The following RRAGD variants were observed in gnomAD, a reference collection of about 807,000 sequenced individuals.
The protein encoded by RRAGD is ras-related GTP-binding protein D.
In RRAGD, 12 loss-of-function variants were observed where a neutral mutation model predicts 35.5. The ratio of observed to expected loss-of-function variants is 0.34; its 90% confidence interval spans 0.22 to 0.55. The LOEUF (loss-of-function observed/expected upper bound fraction) is 0.55, where lower values mean the gene tolerates loss of function less well. Among genes scored for constraint, RRAGD ranks in the 20% least tolerant of loss-of-function variants. The probability of loss-of-function intolerance (pLI) is 0.91; values close to 1 mark genes in which losing one functional copy is unlikely to be tolerated. For missense variants in RRAGD, 324 were observed against 490.1 expected (o/e 0.66, Z 3.20); for synonymous variants, 155 against 178.9 (o/e 0.87, Z 1.07).
At chr6:89,385,304 G>C (rs578241698) in intron 2 of RRAGD, among the ~76,000 whole-genome samples, 1 of 152,274 alleles carries the variant, frequency 6.6e-6, no homozygotes, top group East Asian at 1.9e-4. Context: ...GTCTTGAAAT[G>C]ATGAGTCATC....
chr6:89,388,820 G>A (rs1013789724), intron 1 of RRAGD, among the ~76,000 whole-genome samples: 7 of 152,172 alleles, frequency 4.6e-5, no homozygotes, highest in African/African-American at 1.7e-4. Flanking sequence ...TTGTTTTCCT[G>A]CAACTAGACA....
At chr6:89,368,578 G>A (rs909047450) in intron 6 of RRAGD, among the ~76,000 whole-genome samples, 11 of 152,246 alleles carry the variant, frequency 7.2e-5, no homozygotes, top group African/African-American at 2.2e-4. Context: ...TCTCCCCAAA[G>A]GGCATTATTA....
chr6:89,401,373 T>C (rs1172710725), intron 1 of RRAGD, among the ~76,000 whole-genome samples: 2 of 151,972 alleles, frequency 1.3e-5, no homozygotes, highest in African/African-American at 4.8e-5. Context: ...TTCTCCTACC[T>C]CAGTCTCCTG....
At chr6:89,395,139 G>A (rs1769308761) in intron 1 of RRAGD, among the ~76,000 whole-genome samples, 1 of 152,116 alleles carries the variant, frequency 6.6e-6, no homozygotes, top group Non-Finnish European at 1.5e-5. Context: ...AGCACCTGTA[G>A]TCACAGCTAC....
At chr6:89,390,578 T>C (rs558780630) in intron 1 of RRAGD, among the ~76,000 whole-genome samples, 1 of 152,308 alleles carries the variant, frequency 6.6e-6, no homozygotes, top group Non-Finnish European at 1.5e-5. Flanking sequence ...TACAAAATGT[T>C]GCACTTTGAA....
intron 1 of RRAGD, among the ~76,000 whole-genome samples, chr6:89,390,625 T>C (rs1769215834): frequency 1.3e-5 from 2 of 152,206 alleles, no homozygotes; most frequent in African/African-American, 2.4e-5. Flanking sequence ...AGGCTGGGCA[T>C]GGTGGCTCAC....
intron 1 of RRAGD, among the ~76,000 whole-genome samples, chr6:89,397,431 A>T (rs1199776100): frequency 6.6e-6 from 1 of 152,184 alleles, no homozygotes; most frequent in African/African-American, 2.4e-5. Context: ...TAACGTGTAC[A>T]TAAAGGATCA....
At chr6:89,401,109 A>G (rs1488415479) in intron 1 of RRAGD, among the ~76,000 whole-genome samples, 1 of 152,154 alleles carries the variant, frequency 6.6e-6, no homozygotes, top group African/African-American at 2.4e-5. Context: ...GAGGAGTAAT[A>G]TCTGAGTCTT....
intron 1 of RRAGD, among the ~76,000 whole-genome samples, chr6:89,403,388 TGAGCAGAGATCGCGCCACTGCA>T (rs1430379524): frequency 2.0e-5 from 3 of 151,174 alleles, no homozygotes; most frequent in Admixed American, 6.6e-5. Flanking sequence ...GAGCTTGCAG[TGAGCAGAGATCGCGCCACTGCA>T]CCCCAGCCTG....
chr6:89,382,646 C>T (rs1378332242), intron 2 of RRAGD, among the ~76,000 whole-genome samples: 3 of 151,606 alleles, frequency 2.0e-5, no homozygotes, highest in Admixed American at 6.6e-5. Context: ...GAGGCCAAGG[C>T]GGGCAGATCA....
intron 1 of RRAGD, among the ~76,000 whole-genome samples, chr6:89,392,668 A>G (rs938834610): frequency 6.6e-6 from 1 of 152,190 alleles, no homozygotes; most frequent in Non-Finnish European, 1.5e-5. Flanking sequence ...AAACTCTACA[A>G]TTGTCTAAAA....
At chr6:89,376,478 A>G (rs1768948053) in intron 5 of RRAGD, among the ~76,000 whole-genome samples, 1 of 152,134 alleles carries the variant, frequency 6.6e-6, no homozygotes, top group South Asian at 2.1e-4. Context: ...GCAGTGAGTA[A>G]AGAGGAAGAT....
intron 1 of RRAGD, among the ~76,000 whole-genome samples, chr6:89,390,007 C>T (rs1769202405): frequency 6.6e-6 from 1 of 152,184 alleles, no homozygotes; most frequent in African/African-American, 2.4e-5. Flanking sequence ...ACCCTTATGT[C>T]ATACCATATA....
intron 1 of RRAGD, among the ~76,000 whole-genome samples, chr6:89,405,412 G>T (rs1769560034): frequency 6.6e-6 from 1 of 150,786 alleles, no homozygotes; most frequent in African/African-American, 2.4e-5. Context: ...CAAATGGAAT[G>T]GTTGAAAAAG....
intron 5 of RRAGD, among the ~76,000 whole-genome samples, chr6:89,377,375 A>C (rs1768966385): frequency 6.6e-6 from 1 of 152,196 alleles, no homozygotes; most frequent in Admixed American, 6.5e-5. Context: ...GCTACTCGAG[A>C]GGCTGAGGTG....
At chr6:89,396,572 G>A (rs893024376) in intron 1 of RRAGD, among the ~76,000 whole-genome samples, 7 of 151,278 alleles carry the variant, frequency 4.6e-5, no homozygotes, top group South Asian at 4.2e-4. Context: ...GACTACAGGC[G>A]CGCCCCATCA....
intron 2 of RRAGD, among the ~76,000 whole-genome samples, chr6:89,384,612 C>A (rs1246033272): frequency 6.6e-6 from 1 of 152,132 alleles, no homozygotes; most frequent in Non-Finnish European, 1.5e-5. Flanking sequence ...GTCAAGAGAT[C>A]GAGACCATCC....
chr6:89,388,576 G>T (rs1426075771), intron 1 of RRAGD, among the ~76,000 whole-genome samples: 2 of 152,164 alleles, frequency 1.3e-5, no homozygotes, highest in African/African-American at 4.8e-5. Context: ...CCAGCAAGTG[G>T]CTAACGTATT....
At chr6:89,398,475 G>C (rs1185516240) in intron 1 of RRAGD, among the ~76,000 whole-genome samples, 3 of 152,214 alleles carry the variant, frequency 2.0e-5, no homozygotes, top group African/African-American at 7.2e-5. Flanking sequence ...TGTGGGCCAG[G>C]GGAGAGACCC....
Sources: gnomAD v4.1 joint callset for allele counts (sites outside exome capture counted in the v4.1 genomes callset) on GRCh38, gnomAD v4.1.1 for gene constraint, MANE v1.5 for transcripts, NCBI Gene and HGNC (gene_info 2026-07-23, HGNC 2026-07-21) for gene names.